The following DPP6 variants were observed in gnomAD, a reference collection of about 807,000 sequenced individuals.
The protein encoded by DPP6 is dipeptidyl peptidase like 6, also known as A-type potassium channel modulatory protein DPP6.
Under a neutral mutation model 122.6 loss-of-function variants are expected in DPP6, and 69 were observed. The observed-to-expected ratio is 0.56, with a 90% CI of 0.46 to 0.69. DPP6 has a LOEUF of 0.69. Among genes scored for constraint, DPP6 ranks in the 30% least tolerant of loss-of-function variants. The pLI is 0.00. For missense variants in DPP6, 928 were observed against 1,116.9 expected, an observed-to-expected ratio of 0.83 and a Z score of 2.41; for synonymous variants, 418 against 433.1, an observed-to-expected ratio of 0.97 and a Z score of 0.43.
At chr7:154,112,815 A>T (rs11982755) in intron 1 of DPP6, among the ~76,000 whole-genome samples, 1 of 152,212 alleles carries the variant, frequency 6.6e-6, no homozygotes, top group African/African-American at 2.4e-5. Context: ...CTGAAAGCAC[A>T]ATAGGATACA....
intron 1 of DPP6, among the ~76,000 whole-genome samples, chr7:154,238,752 T>A (rs1010832166): frequency 2.0e-5 from 3 of 152,242 alleles, no homozygotes; most frequent in Non-Finnish European, 4.4e-5. Context: ...CATTTAAAAC[T>A]ATTCTCTCTT....
intron 5 of DPP6, among the ~76,000 whole-genome samples, chr7:154,604,403 C>T (rs1009393359): frequency 4.2e-5 from 5 of 120,010 alleles, no homozygotes; most frequent in African/African-American, 1.3e-4. Context: ...CTATTATTTG[C>T]CTTTTACTCT....
intron 5 of DPP6, among the ~76,000 whole-genome samples, chr7:154,603,999 T>G (rs1363190704): frequency 1.7e-5 from 2 of 120,964 alleles, no homozygotes; most frequent in African/African-American, 5.3e-5. Context: ...TACACATGAT[T>G]TGTGTACTTT....
intron 1 of DPP6, among the ~76,000 whole-genome samples, chr7:153,945,547 G>A (rs1297127111): frequency 1.3e-5 from 2 of 152,210 alleles, no homozygotes; most frequent in African/African-American, 4.8e-5. Flanking sequence ...TCTCTAGAGA[G>A]CACCTCGTAT....
chr7:154,431,425 G>T (rs1818356392), intron 1 of DPP6, among the ~76,000 whole-genome samples: 2 of 109,028 alleles, frequency 1.8e-5, no homozygotes, highest in African/African-American at 3.0e-5. Context: ...CCTCATGTCA[G>T]GCTCTGTTTT....
intron 1 of DPP6, among the ~76,000 whole-genome samples, chr7:153,943,551 G>A (rs916966823): frequency 2.0e-5 from 3 of 152,084 alleles, no homozygotes; most frequent in Admixed American, 6.5e-5. Flanking sequence ...CCTTTGACAC[G>A]CTCTGGCTTC....
intron 1 of DPP6, among the ~76,000 whole-genome samples, chr7:154,276,999 T>C (rs1156352544): frequency 6.6e-6 from 1 of 152,114 alleles, no homozygotes; most frequent in Admixed American, 6.6e-5. Context: ...AGCACGCACT[T>C]GGGGGCCATT....
chr7:154,640,978 C>T (rs1836047843), intron 6 of DPP6, among the ~76,000 whole-genome samples: 1 of 152,050 alleles, frequency 6.6e-6, no homozygotes, highest in Non-Finnish European at 1.5e-5. Context: ...TAGCTTCAGT[C>T]TTTGCAACCA....
intron 1 of DPP6, among the ~76,000 whole-genome samples, chr7:153,926,901 G>A (rs1257736682): frequency 6.6e-6 from 1 of 151,496 alleles, no homozygotes; most frequent in African/African-American, 2.4e-5. Context: ...TTAAATTATT[G>A]TTGTGGAAAA....
Position 154,880,958 on chromosome 7 carries a change from C to A in DPP6, c.2133+16C>A. ...GTTTGGGAAGGTGAGTCTGCGCCAC[C>A]CTGGTCTGAAAACCCCTCAGTTCCA... On this transcript the variant is annotated intron_variant, in intron 21 of 25. Coordinates refer to ENST00000377770, the MANE Select transcript of DPP6 (RefSeq NM_130797.4). The A allele has an allele frequency of 6.2e-7, 1 of 1,613,726 alleles. No individual in the cohort carries two copies. The highest frequency in any genetic ancestry group is 1.1e-5 in the South Asian group (1 of 91,050).
At chr7:153,952,708 T>C (rs1410398289) in intron 1 of DPP6, among the ~76,000 whole-genome samples, 1 of 152,236 alleles carries the variant, frequency 6.6e-6, no homozygotes, top group Admixed American at 6.5e-5. Flanking sequence ...ATTCCATTCT[T>C]ATCTTATTAA....
At chr7:154,740,300 T>A (rs1362196716) in intron 8 of DPP6, among the ~76,000 whole-genome samples, 2 of 102,170 alleles carry the variant, frequency 2.0e-5, no homozygotes, top group African/African-American at 6.5e-5. Context: ...TCTAATTTCT[T>A]TTTTTTTTTT....
chr7:154,471,208 G>A (rs62475121), intron 2 of DPP6, among the ~76,000 whole-genome samples: 6 of 152,204 alleles, frequency 3.9e-5, no homozygotes, highest in East Asian at 1.9e-4. Context: ...CCAAGATTGC[G>A]CCACCACACT....
At chr7:154,117,658 A>G (rs1408406074) in intron 1 of DPP6, among the ~76,000 whole-genome samples, 3 of 152,176 alleles carry the variant, frequency 2.0e-5, no homozygotes, top group African/African-American at 7.2e-5. Flanking sequence ...GTGTGTGTCA[A>G]ATGTCGTGAG....
intron 6 of DPP6, among the ~76,000 whole-genome samples, chr7:154,638,371 G>A (rs1835858432): frequency 6.6e-6 from 1 of 152,154 alleles, no homozygotes; most frequent in African/African-American, 2.4e-5. Flanking sequence ...AGTGCATTGG[G>A]AATGGGTTGG....
intron 8 of DPP6, among the ~76,000 whole-genome samples, chr7:154,757,659 G>A (rs1795219010): frequency 6.6e-6 from 1 of 152,332 alleles, no homozygotes; most frequent in Non-Finnish European, 1.5e-5. Context: ...GCTGAAGACA[G>A]TGTCCTGGCC....
At chr7:154,425,620 GGGTGT>G (rs1563648656) in intron 1 of DPP6, among the ~76,000 whole-genome samples, 1 of 107,790 alleles carries the variant, frequency 9.3e-6, no homozygotes, top group East Asian at 2.4e-4. Context: ...GTGTGTGTGT[GGGTGT>G]GTGTGTGTGT....
chr7:154,668,214 TATATAA>T (rs1456074234), intron 6 of DPP6, among the ~76,000 whole-genome samples: 1 of 107,808 alleles, frequency 9.3e-6, no homozygotes, highest in Non-Finnish European at 2.0e-5. Flanking sequence ...TATATATATA[TATATAA>T]TATACACATT....
At chr7:154,587,792 T>G in intron 5 of DPP6, 1 of 1,612,040 alleles carries the variant, frequency 6.2e-7, no homozygotes, top group Non-Finnish European at 8.5e-7. Flanking sequence ...CTTCACTGCC[T>G]GCGTGACTAT....
Sources: gnomAD v4.1 joint callset for allele counts (sites outside exome capture counted in the v4.1 genomes callset) on GRCh38, gnomAD v4.1.1 for gene constraint, MANE v1.5 for transcripts, NCBI Gene and HGNC (gene_info 2026-07-23, HGNC 2026-07-21) for gene names.